Variants in GRIN2A observed in about 807,000 individuals in gnomAD.
The protein encoded by GRIN2A is glutamate ionotropic receptor NMDA type subunit 2A, also known as glutamate receptor ionotropic, NMDA 2A.
Under a neutral mutation model 113.4 loss-of-function variants are expected in GRIN2A, and 22 were observed. That is an observed-to-expected ratio of 0.19 (90% CI 0.14 to 0.28). The LOEUF (loss-of-function observed/expected upper bound fraction) is 0.28. GRIN2A is among the 10% of genes least tolerant of loss of function. GRIN2A has a pLI of 1.00. For missense variants in GRIN2A, 1,502 were observed against 1,887.0 expected (o/e 0.80, Z 3.78); for synonymous variants, 827 against 738.4 (o/e 1.12, Z -1.94).
chr16:9,772,033 T>G (rs944473472), intron 11 of GRIN2A, among the ~76,000 whole-genome samples: 8 of 151,992 alleles, frequency 5.3e-5, no homozygotes, highest in Non-Finnish European at 8.8e-5. Context: ...GTTAATGAGT[T>G]TTTTTTTAAA....
At chr16:10,012,061 AT>A (rs1402668110) in intron 2 of GRIN2A, among the ~76,000 whole-genome samples, 1 of 151,690 alleles carries the variant, frequency 6.6e-6, no homozygotes, top group Non-Finnish European at 1.5e-5. Context: ...CTTGGAAATG[AT>A]TTTGGCTTTT....
At chr16:9,954,065 A>G (rs527901750) in intron 2 of GRIN2A, among the ~76,000 whole-genome samples, 1 of 152,262 alleles carries the variant, frequency 6.6e-6, no homozygotes, top group Admixed American at 6.5e-5. Flanking sequence ...CCATTCCCCA[A>G]TGTCCTCTAA....
chr16:9,944,833 C>T (rs942926577), intron 2 of GRIN2A, among the ~76,000 whole-genome samples: 1 of 152,134 alleles, frequency 6.6e-6, no homozygotes, highest in Non-Finnish European at 1.5e-5. Flanking sequence ...ACCTGCCAGA[C>T]CTACCACTCT....
intron 10 of GRIN2A, among the ~76,000 whole-genome samples, chr16:9,816,807 T>G (rs561492125): frequency 1.3e-5 from 2 of 152,312 alleles, no homozygotes; most frequent in East Asian, 3.9e-4. Flanking sequence ...GAGATTCTGA[T>G]TCAACTGGCT....
At chr16:10,168,182 C>A (rs1371761248) in intron 2 of GRIN2A, among the ~76,000 whole-genome samples, 1 of 152,188 alleles carries the variant, frequency 6.6e-6, no homozygotes, top group Non-Finnish European at 1.5e-5. Context: ...ATGAGGCCGG[C>A]TGACCTACTT....
chr16:10,019,191 G>T (rs146971880), intron 2 of GRIN2A, among the ~76,000 whole-genome samples: 27 of 152,130 alleles, frequency 1.8e-4, no homozygotes, highest in African/African-American at 6.5e-4. Context: ...GTAAAATAAG[G>T]ACACTAACAG....
At chr16:10,131,622 A>T (rs866381775) in intron 2 of GRIN2A, among the ~76,000 whole-genome samples, 2 of 152,192 alleles carry the variant, frequency 1.3e-5, no homozygotes, top group Admixed American at 6.5e-5. Flanking sequence ...AGGCCCTCAG[A>T]GAAAGGGCGT....
At chr16:9,828,263 T>TA (rs1472950101) in intron 9 of GRIN2A, among the ~76,000 whole-genome samples, 1 of 152,110 alleles carries the variant, frequency 6.6e-6, no homozygotes, top group Non-Finnish European at 1.5e-5. Context: ...CCATGGTAAG[T>TA]AAAGTGACCC....
intron 5 of GRIN2A, among the ~76,000 whole-genome samples, chr16:9,847,344 G>T (rs868092087): frequency 4.0e-5 from 6 of 148,896 alleles, no homozygotes; most frequent in African/African-American, 1.6e-4. Flanking sequence ...ATCACTTAAG[G>T]CCAGGAGCTT....
At chr16:10,017,101 G>A (rs1315252572) in intron 2 of GRIN2A, among the ~76,000 whole-genome samples, 1 of 152,182 alleles carries the variant, frequency 6.6e-6, no homozygotes, top group Admixed American at 6.5e-5. Context: ...TTTGAGTCCA[G>A]AGCCGACAAT....
chr16:10,111,454 C>A, intron 2 of GRIN2A: 1 of 591,224 alleles, frequency 1.7e-6, no homozygotes, highest in South Asian at 1.8e-5. Context: ...GCAGCTCTTC[C>A]TCGGCGCCAA....
At chr16:10,091,707 A>G (rs185917653) in intron 2 of GRIN2A, among the ~76,000 whole-genome samples, 101 of 152,360 alleles carry the variant, frequency 6.6e-4, no homozygotes, top group African/African-American at 1.9e-3. Context: ...GAAAACACTG[A>G]TACATGTGAC....
intron 2 of GRIN2A, among the ~76,000 whole-genome samples, chr16:10,072,814 C>T (rs1567278373): frequency 6.6e-6 from 1 of 152,086 alleles, no homozygotes; most frequent in Non-Finnish European, 1.5e-5. Context: ...TGTCTGTGCT[C>T]ACTGAAGTTT....
chr16:9,863,655 G>C (rs1206860031), intron 4 of GRIN2A, among the ~76,000 whole-genome samples: 1 of 152,186 alleles, frequency 6.6e-6, no homozygotes. Context: ...TCAACCAAGA[G>C]GAATGTCATT....
chr16:10,111,753 A>G (rs2142147911), intron 2 of GRIN2A: 1 of 1,512,524 alleles, frequency 6.6e-7, no homozygotes. Context: ...TGAGCCCCTC[A>G]CACACTGTGG....
intron 4 of GRIN2A, among the ~76,000 whole-genome samples, chr16:9,865,307 A>G (rs1319539112): frequency 6.6e-6 from 1 of 152,150 alleles, no homozygotes; most frequent in African/African-American, 2.4e-5. Flanking sequence ...CGTCAATCCA[A>G]TTTCACCCAA....
chr16:10,159,302 G>C (rs2049765423), intron 2 of GRIN2A, among the ~76,000 whole-genome samples: 1 of 152,174 alleles, frequency 6.6e-6, no homozygotes, highest in Non-Finnish European at 1.5e-5. Context: ...ATGAATCAAA[G>C]AGGACAGGCC....
At chr16:10,173,748 A>G (rs2050090215) in intron 2 of GRIN2A, among the ~76,000 whole-genome samples, 1 of 152,208 alleles carries the variant, frequency 6.6e-6, no homozygotes, top group Admixed American at 6.5e-5. Context: ...TGTGGTATGA[A>G]CTGAACACTC....
In GRIN2A at chr16:10,031,431, C is replaced by T. The variant is rs183826763; in HGVS notation, c.415-92880G>A. The T allele has an allele frequency of 6.9e-3, 1,054 of 152,402 alleles. 8 individuals carry two copies. Among genetic ancestry groups the T allele is most frequent in the Non-Finnish European group, 8.6e-3 (587 of 68,114 alleles). The allele number at this position is 152,402 out of a possible 1,614,324, so 9.4% of individuals were successfully genotyped here. ...CTGCTTTTAAGTATTTCTTCCCAGC[C>T]ACACTGCTTCCTGCCACATTCATTC... On this transcript the variant is annotated intron_variant, in intron 2 of 12. Coordinates refer to ENST00000330684, the MANE Select transcript of GRIN2A (RefSeq NM_001134407.3).
Sources: gnomAD v4.1 joint callset for allele counts (sites outside exome capture counted in the v4.1 genomes callset) on GRCh38, gnomAD v4.1.1 for gene constraint, MANE v1.5 for transcripts, NCBI Gene and HGNC (gene_info 2026-07-23, HGNC 2026-07-21) for gene names.